IL1RAPL1: variants seen among roughly 807,000 people sequenced by gnomAD.
The protein encoded by IL1RAPL1 is interleukin-1 receptor accessory protein-like 1.
A neutral mutation model predicts 48.4 loss-of-function variants in IL1RAPL1; 3 were observed. The observed-to-expected ratio is 0.06, with a 90% CI of 0.03 to 0.16. IL1RAPL1 has a LOEUF of 0.16. IL1RAPL1 is among the 10% of genes least tolerant of loss of function. The pLI, the probability that IL1RAPL1 is intolerant of heterozygous loss-of-function variation, is 1.00. For synonymous variants in IL1RAPL1, 185 were observed against 187.7 expected, an observed-to-expected ratio of 0.99 and a Z score of 0.12; for missense variants, 349 against 530.6, an observed-to-expected ratio of 0.66 and a Z score of 3.36.
At chrX:29,423,622 C>G (rs1303455150) in intron 5 of IL1RAPL1, among the ~76,000 whole-genome samples, 1 of 111,477 alleles carries the variant, frequency 9.0e-6, no homozygotes, top group African/African-American at 3.3e-5. Flanking sequence ...AATTAATATT[C>G]CCTGGTTAGT....
At chrX:29,334,721 G>C (rs796119259) in intron 3 of IL1RAPL1, among the ~76,000 whole-genome samples, 5 of 112,224 alleles carry the variant, frequency 4.5e-5, no homozygotes, top group Non-Finnish European at 7.6e-5. Flanking sequence ...GACGATGGGC[G>C]GCCGGGCAGA....
At chrX:29,728,073 G>A (rs1466403078) in intron 6 of IL1RAPL1, among the ~76,000 whole-genome samples, 4 of 110,280 alleles carry the variant, frequency 3.6e-5, no homozygotes, top group African/African-American at 1.3e-4. Context: ...GAGTAGCTGG[G>A]ACTACAGGCG....
At chrX:29,142,421 T>G (rs913549692) in intron 2 of IL1RAPL1, among the ~76,000 whole-genome samples, 2 of 111,800 alleles carry the variant, frequency 1.8e-5, no homozygotes, top group African/African-American at 6.5e-5. Flanking sequence ...TGTCACAGTT[T>G]GGAGGAGACT....
intron 5 of IL1RAPL1, among the ~76,000 whole-genome samples, chrX:29,570,992 C>A (rs1048747560): frequency 6.3e-5 from 7 of 111,972 alleles, no homozygotes; most frequent in African/African-American, 2.3e-4. Flanking sequence ...GAGGCCGAGG[C>A]GGGTGGATCA....
chrX:29,614,853 G>A (rs1924230038), intron 5 of IL1RAPL1, among the ~76,000 whole-genome samples: 1 of 111,168 alleles, frequency 9.0e-6, no homozygotes, highest in Admixed American at 9.6e-5. Flanking sequence ...CTTTACAATA[G>A]TGAGGCTGAG....
At chrX:28,980,690 C>T (rs1925308725) in intron 2 of IL1RAPL1, among the ~76,000 whole-genome samples, 1 of 110,945 alleles carries the variant, frequency 9.0e-6, no homozygotes, top group Non-Finnish European at 1.9e-5. Context: ...GGTCACCTGG[C>T]TAATTTTTTT....
At chrX:29,812,426 C>T (rs1198951439) in intron 6 of IL1RAPL1, among the ~76,000 whole-genome samples, 1 of 111,415 alleles carries the variant, frequency 9.0e-6, no homozygotes, top group Non-Finnish European at 1.9e-5. Context: ...TATCTTTCAA[C>T]GAAATGGCTT....
chrX:29,007,504 AC>A (rs1355225144), intron 2 of IL1RAPL1, among the ~76,000 whole-genome samples: 1 of 112,096 alleles, frequency 8.9e-6, no homozygotes, highest in Non-Finnish European at 1.9e-5. Context: ...AGATCAGCAA[AC>A]CCTTTCCCCA....
chrX:29,943,240 A>T (rs1419105741), intron 9 of IL1RAPL1, among the ~76,000 whole-genome samples: 1 of 111,761 alleles, frequency 8.9e-6, no homozygotes, highest in Non-Finnish European at 1.9e-5. Flanking sequence ...GCAAATTATT[A>T]TTATTACTAT....
At chrX:29,890,721 A>G (rs1932261029) in intron 6 of IL1RAPL1, among the ~76,000 whole-genome samples, 1 of 111,750 alleles carries the variant, frequency 8.9e-6, no homozygotes, top group Admixed American at 9.5e-5. Context: ...CCATCCTAAG[A>G]TTTCAGTCCA....
chrX:29,508,326 T>C (rs1935358006), intron 5 of IL1RAPL1, among the ~76,000 whole-genome samples: 1 of 111,509 alleles, frequency 9.0e-6, no homozygotes, highest in Admixed American at 9.5e-5. Flanking sequence ...GTAAGAATAA[T>C]TGTGATGTAT....
At chrX:28,665,691 A>C (rs1361013833) in intron 1 of IL1RAPL1, among the ~76,000 whole-genome samples, 1 of 110,913 alleles carries the variant, frequency 9.0e-6, no homozygotes, top group East Asian at 2.8e-4. Flanking sequence ...GGGTTTCACC[A>C]TGTTGGCCAG....
intron 1 of IL1RAPL1, among the ~76,000 whole-genome samples, chrX:28,775,909 C>A (rs1333999518): frequency 8.9e-6 from 1 of 112,124 alleles, no homozygotes; most frequent in Non-Finnish European, 1.9e-5. Flanking sequence ...CAGACAACTT[C>A]TTGGAGAAAT....
chrX:29,894,752 A>G (rs1281682509), intron 6 of IL1RAPL1, among the ~76,000 whole-genome samples: 2 of 110,990 alleles, frequency 1.8e-5, no homozygotes, highest in East Asian at 2.8e-4. Context: ...AATTAATTTT[A>G]AATGGCCTTA....
chrX:28,973,009 C>A (rs1925122688), intron 2 of IL1RAPL1, among the ~76,000 whole-genome samples: 1 of 111,645 alleles, frequency 9.0e-6, no homozygotes, highest in Admixed American at 9.5e-5. Flanking sequence ...TAGTAATTTT[C>A]ATTTAGATAA....
intron 6 of IL1RAPL1, among the ~76,000 whole-genome samples, chrX:29,749,638 A>T (rs1415587882): frequency 8.9e-6 from 1 of 112,245 alleles, no homozygotes; most frequent in East Asian, 2.8e-4. Context: ...ATAAAATTTC[A>T]ATCAGAAGGG....
At chrX:28,984,706 A>G (rs1379954391) in intron 2 of IL1RAPL1, among the ~76,000 whole-genome samples, 3 of 111,416 alleles carry the variant, frequency 2.7e-5, no homozygotes, top group African/African-American at 6.5e-5. Flanking sequence ...ACACATCAAC[A>G]GGTCCCTGAC....
In IL1RAPL1 at chrX:29,886,589, G is replaced by A. The variant is rs780061818; in HGVS notation, c.779-30875G>A. 2.6e-4 allele frequency among the ~76,000 whole-genome samples: 29 copies of A among 112,023 alleles called. 1 individual carries two copies. Among genetic ancestry groups the A allele is most frequent in the Admixed American group, 4.7e-4 (5 of 10,570 alleles). On this transcript the variant is annotated intron_variant, in intron 6 of 10. Transcript: ENST00000378993. ...GAAAATCTTTAGGAATAATGATTGC[G>A]GAGTCACCGCTAATAACTTAATGAC... is the stretch of plus-strand genomic sequence containing the variant.
intron 2 of IL1RAPL1, among the ~76,000 whole-genome samples, chrX:29,282,177 A>G (rs1932212960): frequency 8.9e-6 from 1 of 112,083 alleles, no homozygotes; most frequent in African/African-American, 3.2e-5. Flanking sequence ...ACAAACATTC[A>G]GTCTATAGCA....
Sources: allele counts gnomAD v4.1 joint callset (sites outside exome capture counted in the v4.1 genomes callset), GRCh38; gene constraint gnomAD v4.1.1; transcripts MANE v1.5; gene names NCBI Gene and HGNC (gene_info 2026-07-23, HGNC 2026-07-21).